The following CRYBG3 variants were observed in gnomAD, a reference collection of about 807,000 sequenced individuals.
CRYBG3 encodes the protein crystallin beta-gamma domain containing 3.
In CRYBG3, 127 loss-of-function variants were observed where a neutral mutation model predicts 244.2. That is an observed-to-expected ratio of 0.52 (90% CI 0.45 to 0.60). CRYBG3 has a LOEUF of 0.60. CRYBG3 is among the 20% of genes least tolerant of loss of function. The pLI is 0.00. For missense variants in CRYBG3, 3,325 were observed against 3,442.5 expected (o/e 0.97, Z 0.85); for synonymous variants, 1,132 against 1,195.8 (o/e 0.95, Z 1.10).
chr3:97,839,111 A>C (rs1023384004), intron 1 of CRYBG3, among the ~76,000 whole-genome samples: 1 of 152,128 alleles, frequency 6.6e-6, no homozygotes, highest in Admixed American at 6.6e-5. Context: ...ACCCCCTGCC[A>C]TGAATAAAAT....
intron 17 of CRYBG3, among the ~76,000 whole-genome samples, chr3:97,916,614 A>G (rs1417201357): frequency 6.6e-6 from 1 of 152,158 alleles, no homozygotes; most frequent in African/African-American, 2.4e-5. Flanking sequence ...TAGAAACTCT[A>G]CATAATAGTT....
chr3:97,875,237 G>A lies in CRYBG3; in HGVS notation c.4043G>A (p.Ser1348Asn), dbSNP rs940110833. 2 of 1,521,246 alleles carry A rather than the reference G, an allele frequency of 1.3e-6. No individual in the cohort carries two copies. Among genetic ancestry groups the A allele is most frequent in the Non-Finnish European group, 1.8e-6 (2 of 1,141,690 alleles). The allele number at this position is 1,521,246 out of a possible 1,614,324, so 94.2% of individuals were successfully genotyped here. Residue 1348 changes from serine to asparagine, a missense_variant, in exon 4 of 22, where the codon AGT (serine) becomes AAT (asparagine). Around this residue, in one of 4 missense-constraint regions of CRYBG3, gnomAD observed 635 missense variants for 771.7 expected, o/e 0.82. Transcript: ENST00000389622. ...ACTTCAAAAATTCTGAACAGTGATA[G>A]TGTTAAGCCACATGATGTAGTTAGA... ...ANTSKILNSDSVKPHDVVREF... is the reference protein window; with the variant it reads ...ANTSKILNSDNVKPHDVVREF...
rs538356938 is a variant in CRYBG3 at position 97,830,265 on chromosome 3, A to G, written c.149+7910A>G. ...TGCTACTTCTAGGATGCACAAATAC[A>G]TTTATAAAACCACTTTCAGTGCTTT... On this transcript the variant is annotated intron_variant, in intron 1 of 21. Coordinates refer to ENST00000389622, the MANE Select transcript of CRYBG3 (RefSeq NM_153605.4). Among the ~76,000 whole-genome samples, 4 of 152,270 alleles carry G rather than the reference A, an allele frequency of 2.6e-5. No individual in the cohort carries two copies. In the East Asian group the frequency reaches 5.8e-4, roughly 22 times the overall value.
At chr3:97,850,286 C>T (rs1444453631) in intron 2 of CRYBG3, among the ~76,000 whole-genome samples, 1 of 152,116 alleles carries the variant, frequency 6.6e-6, no homozygotes, top group East Asian at 1.9e-4. Context: ...AGCAATTTCA[C>T]GCATATTTTT....
At chr3:97,894,751 T>C (rs945891000) in intron 11 of CRYBG3, among the ~76,000 whole-genome samples, 1 of 152,222 alleles carries the variant, frequency 6.6e-6, no homozygotes, top group East Asian at 1.9e-4. Flanking sequence ...GCCACACTTA[T>C]ATAAAATAAA....
At chr3:97,890,176 A>G (rs1027313202) in intron 10 of CRYBG3, among the ~76,000 whole-genome samples, 3 of 152,326 alleles carry the variant, frequency 2.0e-5, no homozygotes, top group Admixed American at 1.3e-4. Flanking sequence ...ATCTGAGTGT[A>G]TCTAATATAC....
intron 2 of CRYBG3, among the ~76,000 whole-genome samples, chr3:97,855,160 AT>A (rs1457695247): frequency 6.6e-6 from 1 of 152,022 alleles, no homozygotes; most frequent in Non-Finnish European, 1.5e-5. Flanking sequence ...TATATGTTGA[AT>A]TGTCTTTGCA....
intron 17 of CRYBG3, among the ~76,000 whole-genome samples, chr3:97,929,900 T>C (rs1405184118): frequency 6.6e-6 from 1 of 152,084 alleles, no homozygotes; most frequent in East Asian, 1.9e-4. Context: ...TCAAGCTTTT[T>C]ATCTTTTCTT....
rs149184764 is a variant in CRYBG3 at position 97,896,290 on chromosome 3, G to T, written c.7701+205G>T. 7.3e-3 allele frequency among the ~76,000 whole-genome samples: 1,116 copies of T among 152,026 alleles called. 7 individuals are homozygous for T. Among genetic ancestry groups the T allele is most frequent in the Non-Finnish European group, 0.012 (796 of 67,978 alleles). ...TTTTAACTTTTCATCCATTGTTTCC[G>T]TAATCATCTTTTGAGTACCTTCTTT... On this transcript the variant is annotated intron_variant, in intron 12 of 21. Coordinates refer to ENST00000389622, the MANE Select transcript of CRYBG3 (RefSeq NM_153605.4).
Position 97,874,905 on chromosome 3 carries a change from T to C in CRYBG3, c.3711T>C (p.Gly1237=). 1 of 1,535,238 alleles carries C rather than the reference T, an allele frequency of 6.5e-7. No homozygotes were observed. Among genetic ancestry groups the C allele is most frequent in the Non-Finnish European group, 8.7e-7 (1 of 1,146,628 alleles). ...CCATAGAAGGTATAATGAATCTGGG[T>C]ACCCTGAAAGAAGACATCTCTGAGA... ...HIAIEGIMNL[G]TLKEDISEKN... The change falls in exon 4 of 22, where the codon GGT becomes GGC. Residue 1237 remains glycine (G), a synonymous_variant. Coordinates refer to ENST00000389622, the MANE Select transcript of CRYBG3 (RefSeq NM_153605.4).
intron 1 of CRYBG3, among the ~76,000 whole-genome samples, chr3:97,841,425 C>T (rs2038817193): frequency 6.6e-6 from 1 of 151,894 alleles, no homozygotes; most frequent in African/African-American, 2.4e-5. Flanking sequence ...CCATGTGTTT[C>T]TGCATGGAGT....
intron 4 of CRYBG3, among the ~76,000 whole-genome samples, chr3:97,878,916 G>A (rs2039414510): frequency 6.6e-6 from 1 of 151,978 alleles, no homozygotes; most frequent in Admixed American, 6.5e-5. Context: ...ATTAAATATG[G>A]GACTTTCCTT....
At chr3:97,842,393 C>T (rs34251048) in intron 1 of CRYBG3, among the ~76,000 whole-genome samples, 7 of 151,746 alleles carry the variant, frequency 4.6e-5, no homozygotes, top group African/African-American at 1.5e-4. Flanking sequence ...TTGAGACCCC[C>T]ATCTCTACAA....
intron 15 of CRYBG3, among the ~76,000 whole-genome samples, chr3:97,911,391 A>G (rs993056232): frequency 6.6e-6 from 1 of 152,112 alleles, no homozygotes; most frequent in African/African-American, 2.4e-5. Flanking sequence ...AGGCTACTAG[A>G]GTTGCAGATT....
chr3:97,856,971 G>A (rs1012685769), intron 2 of CRYBG3, among the ~76,000 whole-genome samples: 1 of 151,852 alleles, frequency 6.6e-6, no homozygotes, highest in Non-Finnish European at 1.5e-5. Context: ...AGTTTCTTGA[G>A]GTGTACTGTT....
rs780580731 is a variant in CRYBG3, at chr3:97,895,940, G to A, written c.7575-19G>A. The A allele has an allele frequency of 2.0e-5, 32 of 1,607,068 alleles. No individual in the cohort carries two copies. In the South Asian group the frequency reaches 3.4e-4, roughly 17 times the overall value. On this transcript the variant is annotated intron_variant, in intron 11 of 21. Transcript: ENST00000389622. ...ACAGTTTTATTAATGGGTCATTTGG[G>A]TGTCCCCTGTATTTCTAGGTGGGTT...
chr3:97,942,663 A>G (rs1024018007), intron 21 of CRYBG3: 13 of 420,522 alleles, frequency 3.1e-5, no homozygotes, highest in African/African-American at 2.2e-4. Flanking sequence ...TACAGTTGTA[A>G]AACTTTCATT....
chr3:97,822,444 T>TTGCC, intron 1 of CRYBG3, 89 bp downstream of exon 1: 1 of 1,260,832 alleles, frequency 7.9e-7, no homozygotes, highest in Non-Finnish European at 1.0e-6. Flanking sequence ...CGGGCCGCTC[T>TTGCC]TGGGCCAGGC....
chr3:97,857,623 T>C (rs1576524858), intron 2 of CRYBG3, among the ~76,000 whole-genome samples: 1 of 152,056 alleles, frequency 6.6e-6, no homozygotes, highest in Non-Finnish European at 1.5e-5. Flanking sequence ...TGTCTCTTTT[T>C]GCAGTTTTTG....
Sources: allele counts gnomAD v4.1 joint callset (sites outside exome capture counted in the v4.1 genomes callset), GRCh38; gene constraint gnomAD v4.1.1; regional missense constraint gnomAD v4.1.1; transcripts MANE v1.5; gene names NCBI Gene and HGNC (gene_info 2026-07-23, HGNC 2026-07-21).